Variants in LTBP3 observed in about 807,000 individuals in gnomAD.
LTBP3 encodes the protein latent-transforming growth factor beta-binding protein 3.
In LTBP3, 97 loss-of-function variants were observed where a neutral mutation model predicts 159.7. That is an observed-to-expected ratio of 0.61 (90% confidence interval 0.52 to 0.72). The LOEUF is 0.72. Among genes scored for constraint, LTBP3 ranks in the 30% least tolerant of loss-of-function variants. LTBP3 has a pLI of 0.00. For missense variants in LTBP3, 1,584 were observed against 1,864.3 expected (o/e 0.85, Z 2.77); for synonymous variants, 824 against 777.1 (o/e 1.06, Z -1.00).
In LTBP3 at chr11:65,552,315, C is replaced by A; in HGVS notation, c.1278G>T (p.Gln426His). The A allele has an allele frequency of 6.2e-7, 1 of 1,614,122 alleles. No individual in the cohort carries two copies. The highest frequency in any genetic ancestry group is 8.5e-7 in the Non-Finnish European group (1 of 1,180,008). Reference sequence around the variant, plus strand: ...CCTTGCCGACACTGCAGCAGCAGAGCTGGCGGGTCAGGCGGGTGGTCAGTG... The same window carrying A: ...CCTTGCCGACACTGCAGCAGCAGAGATGGCGGGTCAGGCGGGTGGTCAGTG... ...QHPLTTRLTRQLCCCSVGKAW... is the reference protein window; with the variant it reads ...QHPLTTRLTRHLCCCSVGKAW... Residue 426 changes from glutamine to histidine, a missense_variant, in exon 7 of 28, where the codon CAG (glutamine) becomes CAT (histidine). Gln to His is a conservative substitution (Grantham distance 24, BLOSUM62 0). Coordinates refer to ENST00000301873, the MANE Select transcript of LTBP3 (RefSeq NM_001130144.3). The surrounding 1 kb of genome is among the most constrained non-coding windows in gnomAD (Gnocchi z 6.0).
Position 65,553,391 on chromosome 11 carries a change from A to G in LTBP3, c.970+34T>C. The G allele has an allele frequency of 6.4e-7, 1 of 1,564,702 alleles. No individual in the cohort carries two copies. The highest frequency in any genetic ancestry group is 8.8e-7 in the Non-Finnish European group (1 of 1,138,352). Reference sequence around the variant, plus strand: ...GTGGGGTGGGTGGGGAGGGGCCACCAGATAGGGAACGCCCCCTGAGCCCAA... The same window carrying G: ...GTGGGGTGGGTGGGGAGGGGCCACCGGATAGGGAACGCCCCCTGAGCCCAA... On this transcript the variant is annotated intron_variant, in intron 4 of 27. Transcript: ENST00000301873. The surrounding 1 kb of genome is among the most constrained non-coding windows in gnomAD (Gnocchi z 6.5).
intron 1 of LTBP3, among the ~76,000 whole-genome samples, chr11:65,555,645 C>T (rs1217265460): frequency 3.9e-5 from 6 of 152,216 alleles, no homozygotes; most frequent in South Asian, 4.1e-4. Context: ...ACAGGGGGTT[C>T]GGGGGAATGA....
Position 65,553,354 on chromosome 11 carries a change from C to T in LTBP3, c.970+71G>A. ...GAATCTGGTGACCTGGGGACTCCCA[C>T]TGCAGGGATGGGTGGGGTGGGTGGG... On this transcript the variant is annotated intron_variant, in intron 4 of 27. Coordinates refer to ENST00000301873, the MANE Select transcript of LTBP3 (RefSeq NM_001130144.3). The surrounding 1 kb of genome is among the most constrained non-coding windows in gnomAD (Gnocchi z 6.5). 1.3e-6 allele frequency: 1 copy of T among 773,044 alleles called. No individual in the cohort carries two copies. Among genetic ancestry groups the T allele is most frequent in the Non-Finnish European group, 2.0e-6 (1 of 509,866 alleles). 47.9% of individuals were successfully genotyped at this position (773,044 alleles called of 1,614,324 possible).
rs992559033 is a variant in LTBP3 at position 65,541,844 on chromosome 11, C to T, written c.2597-116G>A. 9.1e-6 allele frequency: 11 copies of T among 1,214,200 alleles called. No individual in the cohort carries two copies. The Admixed American group carries it at 1.4e-4, about 15-fold the overall frequency. 75.2% of individuals were successfully genotyped at this position (1,214,200 alleles called of 1,614,324 possible). On this transcript the variant is annotated intron_variant, in intron 18 of 27. Coordinates refer to ENST00000301873, the MANE Select transcript of LTBP3 (RefSeq NM_001130144.3). ...TTCCACTTTGGTTTCAAAGTATGTA[C>T]AGCAGGAAGTCTGCTGTGTCTGTGC...
At chr11:65,550,438 A>C (rs1856562205) in intron 11 of LTBP3, among the ~76,000 whole-genome samples, 1 of 151,842 alleles carries the variant, frequency 6.6e-6, no homozygotes, top group Admixed American at 6.6e-5. Context: ...AAATAAAAAT[A>C]AAAATAAAAA....
chr11:65,557,833 C>G lies in LTBP3; in HGVS notation c.127G>C (p.Gly43Arg), dbSNP rs1481532475. ...LLLGLGGRVEGGPAGERGAGG... is the reference protein window; with the variant it reads ...LLLGLGGRVERGPAGERGAGG... ...GCGCCCCGCTCGCCGGCCGGCCCCC[C>G]CTCGACCCTGCCGCCCAGGCCCAGC... Residue 43 changes from glycine to arginine, a missense_variant, in exon 1 of 28, where the codon GGG (glycine) becomes CGG (arginine). Around this residue, in one of 6 missense-constraint regions of LTBP3, gnomAD observed 79 missense variants for 64.7 expected, o/e 1.22. Transcript: ENST00000301873. The G allele has an allele frequency of 5.6e-6, 8 of 1,424,802 alleles. No homozygotes were observed. Among genetic ancestry groups the G allele is most frequent in the Admixed American group, 5.4e-5 (2 of 36,742 alleles). The allele number at this position is 1,424,802 out of a possible 1,614,324, so 88.3% of individuals were successfully genotyped here.
At position 65,552,891 on chromosome 11, in the gene LTBP3, A is replaced by C. The variant is rs756137476; in HGVS notation, c.1155T>G (p.His385Gln). 6.2e-7 allele frequency: 1 copy of C among 1,613,728 alleles called. No homozygotes were observed. Among genetic ancestry groups the C allele is most frequent in the Non-Finnish European group, 8.5e-7 (1 of 1,179,866 alleles). The change falls in exon 6 of 28, where the codon CAT (histidine) becomes CAG (glutamine). Residue 385 changes from histidine to glutamine, a missense_variant. Around this residue, in one of 6 missense-constraint regions of LTBP3, gnomAD observed 156 missense variants for 259.7 expected, o/e 0.60. Transcript: ENST00000301873. This position sits in a 1 kb window ranked among gnomAD's most constrained non-coding sequence, Gnocchi z 6.0. ...ACTGTGTACGGGAGGGGCCTAAACT[A>C]TGGCCAGGTGGGCAGACACAGCGAT... Reference protein sequence around the residue: ...GSYRCVCPPGHSLGPSRTQCI... With the variant: ...GSYRCVCPPGQSLGPSRTQCI...
At position 65,540,027 on chromosome 11, in the gene LTBP3, G is replaced by A; in HGVS notation, c.3371C>T (p.Pro1124Leu). 2 of 1,511,878 alleles carry A rather than the reference G, an allele frequency of 1.3e-6. No individual in the cohort carries two copies. The highest frequency in any genetic ancestry group is 1.8e-6 in the Non-Finnish European group (2 of 1,135,914). The allele number at this position is 1,511,878 out of a possible 1,614,324, so 93.7% of individuals were successfully genotyped here. ...PGPSGRDCQL[P>L]ESPAERAPER... ...CTCGCCCTCACCGGCCGGGCTCTCG[G>A]GGAGCTGGCAATCGCGGCCGGAGGG... Residue 1124 changes from proline to leucine, a missense_variant, in exon 24 of 28, where the codon CCC becomes CTC. Coordinates refer to ENST00000301873, the MANE Select transcript of LTBP3 (RefSeq NM_001130144.3).
chr11:65,540,171 G>T lies in LTBP3; in HGVS notation c.3245-18C>A. The T allele has an allele frequency of 6.5e-7, 1 of 1,537,152 alleles. No homozygotes were observed. The highest frequency in any genetic ancestry group is 1.2e-5 in the South Asian group (1 of 83,804). On this transcript the variant is annotated intron_variant, in intron 23 of 27. Transcript: ENST00000301873. ...GTCCACGTCTACGAACAGCGAGGGG[G>T]TGGGTGGGGGCCGTCACAGCTCGGC...
intron 11 of LTBP3, chr11:65,548,458 C>T (rs1856474366): frequency 2.7e-6 from 1 of 369,536 alleles, no homozygotes; most frequent in East Asian, 5.5e-5. Context: ...TGTCCTCTAG[C>T]CCAGTGACTC....
At position 65,539,871 on chromosome 11, in the gene LTBP3, C is replaced by T. The variant is rs1036873338; in HGVS notation, c.3396G>A (p.Pro1132=). The T allele has an allele frequency of 4.0e-6, 6 of 1,514,980 alleles. No individual in the cohort carries two copies. The highest frequency in any genetic ancestry group is 2.6e-5 in the East Asian group (1 of 38,492). The allele number at this position is 1,514,980 out of a possible 1,614,324, so 93.8% of individuals were successfully genotyped here. A position where few individuals can be genotyped will look rare whatever the true frequency, so the allele number is the denominator to read the frequency against. ...QLPESPAERA[P]ERRDVCWSQR... Reference sequence around the variant, plus strand: ...GGCTCCAGCACACGTCGCGCCGCTCCGGGGCACGCTCTGCGGAAGACACCT... The same window carrying T: ...GGCTCCAGCACACGTCGCGCCGCTCTGGGGCACGCTCTGCGGAAGACACCT... The change falls in exon 25 of 28, where the codon CCG becomes CCA. Residue 1132 remains proline, a synonymous_variant. Transcript: ENST00000301873.
In LTBP3 at chr11:65,541,556, A is replaced by C. The variant is rs530285450; in HGVS notation, c.2725+44T>G. 105 of 1,613,644 alleles carry C rather than the reference A, an allele frequency of 6.5e-5. 2 individuals carry two copies. In the South Asian group the frequency reaches 1.2e-3, roughly 18 times the overall value. On this transcript the variant is annotated intron_variant, in intron 19 of 27. Transcript: ENST00000301873. ...CATCTCTGAATCCCAGCTGCAGCTC[A>C]GGGGAGTTGTCCAGTCCGAGGGAGG... is the stretch of plus-strand genomic sequence containing the variant.
intron 16 of LTBP3, chr11:65,545,778 C>CCAGG: frequency 5.1e-6 from 1 of 194,650 alleles, no homozygotes. Context: ...CTAACACCTT[C>CCAGG]TGGGTGAAGC....
Position 65,553,082 on chromosome 11 carries a change from C to A in LTBP3, c.1063+82G>T. ...GTCTTGCCCCAGCCCCACCTCCTCT[C>A]TCGCCCACCTTGGGACCCTCCCCAC... On this transcript the variant is annotated intron_variant, in intron 5 of 27. Transcript: ENST00000301873. This position sits in a 1 kb window ranked among gnomAD's most constrained non-coding sequence, Gnocchi z 6.5. 1.2e-6 allele frequency: 2 copies of A among 1,606,656 alleles called. No homozygotes were observed. Among genetic ancestry groups the A allele is most frequent in the East Asian group, 2.2e-5 (1 of 44,840 alleles).
chr11:65,546,833 G>C lies in LTBP3; in HGVS notation c.2195C>G (p.Pro732Arg), dbSNP rs891034550. The C allele has an allele frequency of 6.2e-7, 1 of 1,609,522 alleles. No individual in the cohort carries two copies. Among genetic ancestry groups the C allele is most frequent in the African/African-American group, 1.3e-5 (1 of 75,036 alleles). The change falls in exon 15 of 28, where the codon CCT becomes CGT. Residue 732 changes from proline to arginine, a missense_variant. Physicochemically the swap from Pro to Arg is moderately radical, Grantham distance 103. Coordinates refer to ENST00000301873, the MANE Select transcript of LTBP3 (RefSeq NM_001130144.3). The surrounding 1 kb of genome is among the most constrained non-coding windows in gnomAD (Gnocchi z 4.0). The stretch of plus-strand genomic sequence containing the variant: ...CCCGCCCCCCTGGCTGCGGTAGCCA[G>C]GCTGACAGGCGATGCACTTGAAGCT... ...PGSFKCIACQPGYRSQGGGAC... is the reference protein window; with the variant it reads ...PGSFKCIACQRGYRSQGGGAC...
chr11:65,542,067 A>C lies in LTBP3; in HGVS notation c.2597-339T>G, dbSNP rs1590763088. 1.4e-5 allele frequency: 5 copies of C among 348,242 alleles called. No individual in the cohort carries two copies. The East Asian group carries it at 3.5e-4, about 24-fold the overall frequency. The allele number at this position is 348,242 out of a possible 1,614,324, so 21.6% of individuals were successfully genotyped here. A position where few individuals can be genotyped will look rare whatever the true frequency, so the allele number is the denominator to read the frequency against. Reference sequence around the variant, plus strand: ...CACTCCCCAACTCTGTGCTCAGGGCACCCTCCCCTCCTCTGTAAACACAAC... The same window carrying C: ...CACTCCCCAACTCTGTGCTCAGGGCCCCCTCCCCTCCTCTGTAAACACAAC... On this transcript the variant is annotated intron_variant, in intron 18 of 27. Transcript: ENST00000301873.
chr11:65,551,116 C>T lies in LTBP3; in HGVS notation c.1720+10G>A, dbSNP rs1162673556. 2.6e-6 allele frequency: 4 copies of T among 1,550,600 alleles called. No individual in the cohort carries two copies. Among genetic ancestry groups the T allele is most frequent in the African/African-American group, 1.4e-5 (1 of 73,022 alleles). On this transcript the variant is annotated intron_variant, in intron 11 of 27. Coordinates refer to ENST00000301873, the MANE Select transcript of LTBP3 (RefSeq NM_001130144.3). ...CCTAGGCAGGGGTGGCTTTGCTGGG[C>T]GGGCCTTACCTGTGACCTGAGTGGG...
chr11:65,543,372 G>A, intron 17 of LTBP3, 55 bp downstream of exon 17: 4 of 1,612,430 alleles, frequency 2.5e-6, no homozygotes, highest in Non-Finnish European at 3.4e-6. Flanking sequence ...CCTGGGGGGT[G>A]GGGGTCCTGG....
chr11:65,556,926 G>T (rs1167964030), intron 1 of LTBP3, among the ~76,000 whole-genome samples: 2 of 152,102 alleles, frequency 1.3e-5, no homozygotes, highest in Non-Finnish European at 2.9e-5. Flanking sequence ...ATGCTGGGGA[G>T]GGGGTGGACT....
Sources: gnomAD v4.1 joint callset for allele counts (sites outside exome capture counted in the v4.1 genomes callset) on GRCh38, gnomAD v4.1.1 for gene constraint, gnomAD v4.1.1 regional missense constraint, Gnocchi (gnomAD v3.1) non-coding constraint, MANE v1.5 for transcripts, NCBI Gene and HGNC (gene_info 2026-07-23, HGNC 2026-07-21) for gene names.